COL4A4: variants seen among roughly 807,000 people sequenced by gnomAD.
COL4A4 encodes collagen alpha-4(IV) chain.
COL4A4 carries 105 observed loss-of-function variants against 192.9 expected under a neutral mutation model. That is an observed-to-expected ratio of 0.54 (90% confidence interval 0.46 to 0.64). The LOEUF is 0.64. Ranked by LOEUF, COL4A4 falls within the 30% of genes least tolerant of loss-of-function variation. The pLI, the probability that COL4A4 is intolerant of heterozygous loss-of-function variation, is 0.00. For synonymous variants in COL4A4, 762 were observed against 769.9 expected, an observed-to-expected ratio of 0.99 and a Z score of 0.17; for missense variants, 1,967 against 2,169.3, an observed-to-expected ratio of 0.91 and a Z score of 1.85.
chr2:227,136,593 C>T (rs903474877), intron 4 of COL4A4, among the ~76,000 whole-genome samples: 1 of 152,134 alleles, frequency 6.6e-6, no homozygotes, highest in Admixed American at 6.5e-5. Context: ...CCCCTTGATT[C>T]TCCACCTTAG....
the COL4A4 span, chr2:226,996,468 G>C: frequency 7.2e-5 from 11 of 152,258 alleles, no homozygotes; most frequent in African/African-American, 2.7e-4. Flanking sequence ...CAGATTGTCT[G>C]TCTGAGTCGT....
the COL4A4 span, among the ~76,000 whole-genome samples, chr2:226,973,031 A>C: frequency 6.6e-6 from 1 of 152,076 alleles, no homozygotes; most frequent in East Asian, 1.9e-4. Context: ...TTCAAAGTAG[A>C]GATTCAGAGC....
chr2:226,979,789 G>C, the COL4A4 span, among the ~76,000 whole-genome samples: 1 of 152,206 alleles, frequency 6.6e-6, no homozygotes, highest in Non-Finnish European at 1.5e-5. Flanking sequence ...TGCTTCACCA[G>C]CCATCTAGTC....
chr2:227,024,015 AAC>A (rs1314733280), intron 43 of COL4A4, among the ~76,000 whole-genome samples: 2 of 139,148 alleles, frequency 1.4e-5, no homozygotes, highest in Non-Finnish European at 3.1e-5. Flanking sequence ...AAAAAAAAAA[AAC>A]AAAAAACAAA....
chr2:227,060,126 C>CAAACAGA lies in COL4A4; in HGVS notation c.2164+9_2164+10insTCTGTTT. The stretch of plus-strand genomic sequence containing the variant: ...GAAAAAAAAAAAAAAAAAAAAAAAA[C>CAAACAGA]CTCACTGACCAGGTGGACCTGGTAT... On this transcript the variant is annotated intron_variant, in intron 27 of 47. Transcript: ENST00000396625. 1 of 438,598 alleles carries CAAACAGA rather than the reference C, an allele frequency of 2.3e-6. No homozygotes were observed. Among genetic ancestry groups the CAAACAGA allele is most frequent in the Non-Finnish European group, 3.2e-6 (1 of 313,900 alleles). The allele number at this position is 438,598 out of a possible 1,614,324, so 27.2% of individuals were successfully genotyped here. A position where few individuals can be genotyped will look rare whatever the true frequency, so the allele number is the denominator to read the frequency against.
rs1559617617 is a variant in COL4A4 at position 227,098,790 on chromosome 2, C to T, written c.1108G>A (p.Gly370Arg). Residue 370 changes from glycine to arginine, a missense_variant, in exon 19 of 48, where the codon GGG (glycine) becomes AGG (arginine). Physicochemically the swap from Gly to Arg is moderately radical, Grantham distance 125 (BLOSUM62 -2). Transcript: ENST00000396625. ...TPPLPLKGPP[G>R]DPGFPGRYGE... ...TAGCGGCCAGGGAACCCTGGGTCCCCTGGTGGGCCTGCCAAAGATAATGGT... is the reference window on the plus strand; with the variant it reads ...TAGCGGCCAGGGAACCCTGGGTCCCTTGGTGGGCCTGCCAAAGATAATGGT... The T allele has an allele frequency of 6.2e-7, 1 of 1,613,716 alleles. No individual in the cohort carries two copies. The highest frequency in any genetic ancestry group is 1.1e-5 in the South Asian group (1 of 91,052).
chr2:227,100,454 T>A (rs1348185444), intron 17 of COL4A4, among the ~76,000 whole-genome samples: 1 of 151,996 alleles, frequency 6.6e-6, no homozygotes, highest in Non-Finnish European at 1.5e-5. Flanking sequence ...AAAATAACAA[T>A]CCAATGATAA....
chr2:227,001,524 A>G (rs1348769520), downstream of COL4A4, among the ~76,000 whole-genome samples: 1 of 152,192 alleles, frequency 6.6e-6, no homozygotes, highest in African/African-American at 2.4e-5. Context: ...GACAGGAGCA[A>G]TCCAGGACAC....
At chr2:227,080,335 T>G (rs1197448985) in intron 24 of COL4A4, 108 bp downstream of exon 24, 1 of 1,011,932 alleles carries the variant, frequency 9.9e-7, no homozygotes, top group Admixed American at 1.7e-5. Context: ...TTATAGTATG[T>G]TGATATTTTA....
intron 25 of COL4A4, among the ~76,000 whole-genome samples, chr2:227,070,808 T>A (rs1325112808): frequency 6.6e-6 from 1 of 151,784 alleles, no homozygotes; most frequent in Non-Finnish European, 1.5e-5. Flanking sequence ...CACAGCAGCA[T>A]GTCACATGTA....
intron 22 of COL4A4, 51 bp downstream of exon 22, chr2:227,088,602 C>T (rs1316515222): frequency 6.2e-7 from 1 of 1,603,390 alleles, no homozygotes; most frequent in African/African-American, 1.3e-5. Flanking sequence ...TGAAAACAGA[C>T]TAATACCATG....
chr2:227,066,488 G>A (rs1028531066), intron 25 of COL4A4, among the ~76,000 whole-genome samples: 1 of 152,174 alleles, frequency 6.6e-6, no homozygotes. Context: ...TACCCTCAAA[G>A]GGAAGCCCAT....
At chr2:227,018,078 A>G (rs1965282135) in intron 44 of COL4A4, among the ~76,000 whole-genome samples, 1 of 152,114 alleles carries the variant, frequency 6.6e-6, no homozygotes, top group Non-Finnish European at 1.5e-5. Context: ...TCAGCACCCA[A>G]TCTTGAGGGT....
intron 44 of COL4A4, among the ~76,000 whole-genome samples, chr2:227,020,527 A>T (rs2149835996): frequency 6.6e-6 from 1 of 152,096 alleles, no homozygotes; most frequent in South Asian, 2.1e-4. Flanking sequence ...AACGAGTCTG[A>T]CTCCTGTTGA....
the COL4A4 span, among the ~76,000 whole-genome samples, chr2:226,984,724 G>C: frequency 1.3e-5 from 2 of 152,174 alleles, no homozygotes; most frequent in Non-Finnish European, 2.9e-5. Context: ...CAGATTCCTA[G>C]AACTCATGGA....
At chr2:227,131,764 T>G (rs1319313323) in intron 4 of COL4A4, among the ~76,000 whole-genome samples, 1 of 152,196 alleles carries the variant, frequency 6.6e-6, no homozygotes, top group Non-Finnish European at 1.5e-5. Context: ...TAAATGCTAC[T>G]ACATGCACCT....
intron 17 of COL4A4, 89 bp downstream of exon 17, chr2:227,101,415 G>A: frequency 9.5e-7 from 1 of 1,057,814 alleles, no homozygotes; most frequent in South Asian, 1.5e-5. Flanking sequence ...ATTCTTGAAT[G>A]ATTCCTGGCA....
chr2:227,018,856 G>A (rs2149820947), intron 44 of COL4A4, among the ~76,000 whole-genome samples: 1 of 152,270 alleles, frequency 6.6e-6, no homozygotes, highest in African/African-American at 2.4e-5. Context: ...TTACAGGCAA[G>A]CACACCTGGG....
At chr2:227,164,239 G>A (rs569147697), upstream of COL4A4, 232 of 179,954 alleles carry the variant, frequency 1.3e-3, 3 homozygotes, top group African/African-American at 5.2e-3. This position sits in a 1 kb window ranked among gnomAD's most constrained non-coding sequence, Gnocchi z 4.8. Context: ...CTTAATCTGG[G>A]CAGGGCCGCT....
Sources: allele counts gnomAD v4.1 joint callset (sites outside exome capture counted in the v4.1 genomes callset), GRCh38; gene constraint gnomAD v4.1.1; non-coding constraint Gnocchi (gnomAD v3.1); transcripts MANE v1.5; gene names NCBI Gene and HGNC (gene_info 2026-07-23, HGNC 2026-07-21).